The following AASS variants were observed in gnomAD, a reference collection of about 807,000 sequenced individuals.
AASS encodes alpha-aminoadipic semialdehyde synthase, mitochondrial.
In AASS, 86 loss-of-function variants were observed where a neutral mutation model predicts 105.4. That is an observed-to-expected ratio of 0.82 (90% confidence interval 0.69 to 0.98). AASS has a LOEUF of 0.98. Among genes scored for constraint, AASS ranks in the 50% least tolerant of loss-of-function variants. The probability of loss-of-function intolerance (pLI) is 0.00; values close to 1 mark genes in which losing one functional copy is unlikely to be tolerated. For missense variants in AASS, 1,048 were observed against 1,143.2 expected (o/e 0.92, Z 1.20); for synonymous variants, 381 against 394.8 (o/e 0.96, Z 0.41).
rs1036923710 is a variant in AASS at position 122,122,541 on chromosome 7, A to G, written c.472+3834T>C. Among the ~76,000 whole-genome samples, 2 of 152,226 alleles carry G rather than the reference A, an allele frequency of 1.3e-5. 1 individual carries two copies. The highest frequency in any genetic ancestry group is 1.3e-4 in the Admixed American group (2 of 15,290). ...GAACACTGTCTGGCATTCAGTAAAAAATTATGAGTCTTGCAATGGAACATT... is the reference window on the plus strand; with the variant it reads ...GAACACTGTCTGGCATTCAGTAAAAGATTATGAGTCTTGCAATGGAACATT... On this transcript the variant is annotated intron_variant, in intron 4 of 23. Coordinates refer to ENST00000417368, the MANE Select transcript of AASS (RefSeq NM_005763.4).
chr7:122,091,924 G>T, intron 17 of AASS, 81 bp from the exon 18 acceptor site: 1 of 1,029,882 alleles, frequency 9.7e-7, no homozygotes, highest in South Asian at 1.4e-5. Flanking sequence ...ACAATGATAT[G>T]AATGGAGTAA....
chr7:122,143,508 T>C (rs745831117), intron 1 of AASS, among the ~76,000 whole-genome samples: 4 of 151,206 alleles, frequency 2.6e-5, no homozygotes, highest in African/African-American at 7.3e-5. Context: ...ATGGGCTGCA[T>C]AGTCCCGCAG....
At chr7:122,144,102 C>CA (rs1294502438) in intron 1 of AASS, 59 bp downstream of exon 1, 1 of 152,276 alleles carries the variant, frequency 6.6e-6, no homozygotes, top group African/African-American at 2.4e-5. Flanking sequence ...CCGCATCTCA[C>CA]AGGCTGAGCC....
chr7:122,091,230 T>A (rs1201238351), intron 18 of AASS, among the ~76,000 whole-genome samples: 1 of 152,120 alleles, frequency 6.6e-6, no homozygotes, highest in Non-Finnish European at 1.5e-5. Flanking sequence ...CTCTGTTACA[T>A]GGCAGCTGGG....
At chr7:122,112,111 A>G (rs1794970285) in intron 11 of AASS, among the ~76,000 whole-genome samples, 1 of 152,198 alleles carries the variant, frequency 6.6e-6, no homozygotes, top group Non-Finnish European at 1.5e-5. Context: ...TTGCAGATCC[A>G]GCACTGACTG....
At chr7:122,078,594 C>T (rs1793149427) in intron 22 of AASS, among the ~76,000 whole-genome samples, 1 of 152,068 alleles carries the variant, frequency 6.6e-6, no homozygotes, top group East Asian at 1.9e-4. Context: ...CTGGTGATAG[C>T]GTGAGACACC....
chr7:122,097,242 G>C (rs1794201377), intron 15 of AASS, among the ~76,000 whole-genome samples: 1 of 151,406 alleles, frequency 6.6e-6, no homozygotes, highest in East Asian at 1.9e-4. Context: ...AATCTGATCT[G>C]TGAAAGTGAC....
chr7:122,121,984 G>A (rs1015498658), intron 4 of AASS, among the ~76,000 whole-genome samples: 3 of 152,124 alleles, frequency 2.0e-5, no homozygotes, highest in Non-Finnish European at 4.4e-5. Flanking sequence ...GCACTTTAAA[G>A]ATGTTGCTCC....
chr7:122,142,916 A>G (rs1796468200), intron 1 of AASS, among the ~76,000 whole-genome samples: 1 of 152,248 alleles, frequency 6.6e-6, no homozygotes, highest in Non-Finnish European at 1.5e-5. Context: ...TGATCACGCC[A>G]TCATCAATAA....
intron 11 of AASS, among the ~76,000 whole-genome samples, chr7:122,102,937 G>T (rs1794499422): frequency 6.6e-6 from 1 of 151,842 alleles, no homozygotes; most frequent in South Asian, 2.1e-4. Flanking sequence ...ATAGAACCAA[G>T]AAGTGTAATG....
At chr7:122,143,153 G>T (rs114075423) in intron 1 of AASS, among the ~76,000 whole-genome samples, 1,864 of 152,036 alleles carry the variant, frequency 0.012, 30 homozygotes, top group African/African-American at 0.042. Flanking sequence ...CAGTGTTTTG[G>T]GATTTTTTTT....
Position 122,116,710 on chromosome 7 carries a change from T to G in AASS, c.817A>C (p.Arg273=). 6.2e-7 allele frequency: 1 copy of G among 1,614,152 alleles called. No individual in the cohort carries two copies. Among genetic ancestry groups the G allele is most frequent in the East Asian group, 2.2e-5 (1 of 44,872 alleles). The change falls in exon 8 of 24, where the codon AGG becomes CGG. Residue 273 remains arginine, a synonymous_variant. Transcript: ENST00000417368. The part of the protein sequence containing the change: ...TVLSRHHHLV[R]KTDAVYDPAE... ...GGATCATACACAGCATCTGTTTTCC[T>G]GACAAGATGATGATGACGACTTAAC...
chr7:122,141,148 T>C (rs1210239801), intron 1 of AASS, among the ~76,000 whole-genome samples: 1 of 152,220 alleles, frequency 6.6e-6, no homozygotes, highest in African/African-American at 2.4e-5. Context: ...TTTGACTTCC[T>C]GTGCGTGGGT....
intron 6 of AASS, among the ~76,000 whole-genome samples, chr7:122,117,947 T>G (rs933283215): frequency 1.3e-5 from 2 of 152,036 alleles, no homozygotes; most frequent in Non-Finnish European, 2.9e-5. Flanking sequence ...TGAGCCACCA[T>G]GTCTGGCTGA....
chr7:122,122,866 C>T (rs1795501801), intron 4 of AASS, among the ~76,000 whole-genome samples: 1 of 152,146 alleles, frequency 6.6e-6, no homozygotes. Context: ...CGTGAACATA[C>T]TGAACATTTA....
At chr7:122,123,619 T>C (rs1795530588) in intron 4 of AASS, among the ~76,000 whole-genome samples, 1 of 152,194 alleles carries the variant, frequency 6.6e-6, no homozygotes, top group Non-Finnish European at 1.5e-5. Flanking sequence ...ATGTTCAGAT[T>C]CTTGGTCACA....
chr7:122,096,419 G>A (rs1794157413), intron 15 of AASS, among the ~76,000 whole-genome samples: 2 of 152,000 alleles, frequency 1.3e-5, no homozygotes, highest in South Asian at 4.1e-4. Context: ...GATTGCTTGA[G>A]GAGTTCAAGA....
At chr7:122,134,861 C>T (rs1160211794) in intron 1 of AASS, among the ~76,000 whole-genome samples, 1 of 152,124 alleles carries the variant, frequency 6.6e-6, no homozygotes, top group Non-Finnish European at 1.5e-5. Context: ...ATAGCAAAGA[C>T]TTGGAACCAA....
chr7:122,098,848 A>C lies in AASS; in HGVS notation c.1425T>G (p.Leu475=). 6.3e-7 allele frequency: 1 copy of C among 1,596,082 alleles called. No homozygotes were observed. The highest frequency in any genetic ancestry group is 8.5e-7 in the Non-Finnish European group (1 of 1,170,826). ...LRESRERAQS[L]SMGTRRKVLV... is the part of the protein sequence containing the mutation. ...AAACCTTTCTCCTGGTGCCCATTGA[A>C]AGTGACTGAGCACGTTCCCTATTTA... Residue 475 remains leucine (L), a synonymous_variant, in exon 14 of 24, where the codon CTT becomes CTG. Transcript: ENST00000417368.
Sources: gnomAD v4.1 joint callset for allele counts (sites outside exome capture counted in the v4.1 genomes callset) on GRCh38, gnomAD v4.1.1 for gene constraint, MANE v1.5 for transcripts, NCBI Gene and HGNC (gene_info 2026-07-23, HGNC 2026-07-21) for gene names.